SH3BP5: variants seen among roughly 807,000 people sequenced by gnomAD.
The protein encoded by SH3BP5 is SH3 domain-binding protein 5.
SH3BP5 carries 22 observed loss-of-function variants against 43.3 expected under a neutral mutation model. The ratio of observed to expected loss-of-function variants is 0.51; its 90% confidence interval spans 0.36 to 0.73. SH3BP5 has a LOEUF of 0.73. Among genes scored for constraint, SH3BP5 ranks in the 30% least tolerant of loss-of-function variants. The pLI is 0.00. For synonymous variants in SH3BP5, 255 were observed against 225.8 expected (o/e 1.13, Z -1.16); for missense variants, 529 against 586.9 (o/e 0.90, Z 1.02).
intron 3 of SH3BP5, among the ~76,000 whole-genome samples, chr3:15,272,647 T>G (rs1231420303): frequency 1.1e-5 from 1 of 93,060 alleles, no homozygotes; most frequent in African/African-American, 1.0e-4. Flanking sequence ...CAAAACAGAG[T>G]GCCTGTAGGA....
intron 3 of SH3BP5, among the ~76,000 whole-genome samples, chr3:15,303,626 C>T (rs1026551981): frequency 2.6e-5 from 4 of 151,218 alleles, no homozygotes; most frequent in South Asian, 4.2e-4. Context: ...TTCAGCAGGA[C>T]GATGGCCACG....
chr3:15,286,795 C>T (rs2729688), intron 3 of SH3BP5, among the ~76,000 whole-genome samples: 80,216 of 152,122 alleles, frequency 0.53, 23,862 homozygotes, highest in Non-Finnish European at 0.67. Flanking sequence ...ATCCACCCGC[C>T]TCAGCTTCCC....
intron 4 of SH3BP5, among the ~76,000 whole-genome samples, chr3:15,266,434 C>T (rs928387684): frequency 6.6e-6 from 1 of 152,254 alleles, no homozygotes; most frequent in Non-Finnish European, 1.5e-5. Context: ...TTCCAAGTCA[C>T]ATTTCCCTCT....
In SH3BP5 at chr3:15,269,609, T is replaced by C. The variant is rs540953088; in HGVS notation, c.495+104A>G. Reference sequence around the variant, plus strand: ...TGACAACCTGTGATTTTCAGGGTGTTTTCAGGCAACATGCCTGGGAGTCGA... The same window carrying C: ...TGACAACCTGTGATTTTCAGGGTGTCTTCAGGCAACATGCCTGGGAGTCGA... On this transcript the variant is annotated intron_variant, in intron 4 of 8. Coordinates refer to ENST00000383791, the MANE Select transcript of SH3BP5 (RefSeq NM_004844.5). The C allele has an allele frequency of 3.9e-5, 50 of 1,289,310 alleles. No individual in the cohort carries two copies. The African/African-American group carries it at 6.9e-4, about 18-fold the overall frequency. The allele number at this position is 1,289,310 out of a possible 1,614,324, so 79.9% of individuals were successfully genotyped here.
At chr3:15,278,786 T>C (rs1379201447) in intron 3 of SH3BP5, among the ~76,000 whole-genome samples, 1 of 152,238 alleles carries the variant, frequency 6.6e-6, no homozygotes, top group African/African-American at 2.4e-5. Context: ...AATGAACAGT[T>C]TCATCCATAT....
At chr3:15,258,601 G>A in intron 7 of SH3BP5, 2 of 562,486 alleles carry the variant, frequency 3.6e-6, no homozygotes, top group Non-Finnish European at 6.3e-6. Flanking sequence ...GAGGAGTGAA[G>A]GTGTAACATT....
chr3:15,332,735 G>T, upstream of SH3BP5: 1 of 916,122 alleles, frequency 1.1e-6, no homozygotes, highest in Non-Finnish European at 1.3e-6. Context: ...TCTCCAAGGT[G>T]GCAAAATAGG....
intron 4 of SH3BP5, among the ~76,000 whole-genome samples, chr3:15,265,757 G>C (rs766516275): frequency 8.6e-5 from 13 of 152,018 alleles, no homozygotes; most frequent in Admixed American, 3.9e-4. Flanking sequence ...GAGCGGCTCA[G>C]GGGTAGGTGT....
Position 15,259,365 on chromosome 3 carries a change from T to G in SH3BP5, c.670-315A>C, listed in dbSNP as rs190439949. On this transcript the variant is annotated intron_variant, in intron 6 of 8. Coordinates refer to ENST00000383791, the MANE Select transcript of SH3BP5 (RefSeq NM_004844.5). ...CACAGTCTAGACATCTGGTTCCCAG[T>G]ACAGTGGTTCTCAAAGTTGAGCTTG... The G allele has an allele frequency of 1.5e-5, 8 of 522,448 alleles. No individual in the cohort carries two copies. The Admixed American group carries it at 2.6e-4, about 17-fold the overall frequency. 32.4% of individuals were successfully genotyped at this position (522,448 alleles called of 1,614,324 possible).
At chr3:15,313,400 G>C (rs2688665) in intron 2 of SH3BP5, among the ~76,000 whole-genome samples, 120,295 of 152,214 alleles carry the variant, frequency 0.79, 47,673 homozygotes, top group Middle Eastern at 0.86. Context: ...AGAATGATAG[G>C]AAAGTCTCCA....
chr3:15,282,761 T>A (rs964973127), intron 3 of SH3BP5, among the ~76,000 whole-genome samples: 3 of 151,732 alleles, frequency 2.0e-5, no homozygotes, highest in African/African-American at 7.3e-5. Context: ...TCTAAATACT[T>A]AGGTGTGCAG....
intron 3 of SH3BP5, among the ~76,000 whole-genome samples, chr3:15,280,779 A>T (rs1697104768): frequency 1.3e-5 from 2 of 152,056 alleles, no homozygotes; most frequent in South Asian, 2.1e-4. Flanking sequence ...CTGCACGTCC[A>T]CTCACAATTC....
intron 3 of SH3BP5, among the ~76,000 whole-genome samples, chr3:15,294,077 C>CAAAA (rs111324706): frequency 7.1e-5 from 5 of 70,892 alleles, no homozygotes; most frequent in South Asian, 4.4e-4. Context: ...GTCTCCATCT[C>CAAAA]AAAAAAAAAA....
intron 2 of SH3BP5, among the ~76,000 whole-genome samples, chr3:15,329,945 G>A (rs7651966): frequency 0.019 from 2,952 of 152,298 alleles, 99 homozygotes; most frequent in African/African-American, 0.065. Flanking sequence ...ATTTTTCCCA[G>A]CAGGAAAGGC....
chr3:15,257,382 A>G, intron 7 of SH3BP5: 3 of 398,440 alleles, frequency 7.5e-6, no homozygotes, highest in Non-Finnish European at 1.4e-5. Flanking sequence ...GTCACCAGAC[A>G]CCACCTAAAA....
At chr3:15,313,629 G>T (rs1698114039) in intron 2 of SH3BP5, among the ~76,000 whole-genome samples, 1 of 152,170 alleles carries the variant, frequency 6.6e-6, no homozygotes, top group African/African-American at 2.4e-5. Context: ...AACACACAAA[G>T]AAACCACTTT....
At chr3:15,309,856 T>C (rs779774837) in intron 2 of SH3BP5, among the ~76,000 whole-genome samples, 21 of 152,162 alleles carry the variant, frequency 1.4e-4, no homozygotes, top group Non-Finnish European at 2.8e-4. Flanking sequence ...AACAAGCCTA[T>C]TCATCAAAGA....
chr3:15,258,850 A>G lies in SH3BP5; in HGVS notation c.870T>C (p.Pro290=). 1 of 1,614,070 alleles carries G rather than the reference A, an allele frequency of 6.2e-7. No individual in the cohort carries two copies. The highest frequency in any genetic ancestry group is 8.5e-7 in the Non-Finnish European group (1 of 1,179,988). The part of the protein sequence containing the change: ...TSVEDLPGSK[P]EPDAISVASE... ...ACTTACCAGAAATGGCATCAGGCTC[A>G]GGTTTGCTCCCTGGCAGATCCTCCA... The change falls in exon 7 of 9, where the codon CCT becomes CCC. Residue 290 remains proline (P), a synonymous_variant. Transcript: ENST00000383791.
chr3:15,303,539 CA>C (rs1333848969), intron 3 of SH3BP5, among the ~76,000 whole-genome samples: 2 of 152,192 alleles, frequency 1.3e-5, no homozygotes, highest in Admixed American at 6.5e-5. Context: ...CGCCTGATCA[CA>C]GTCCCCTCCG....
Sources: allele counts gnomAD v4.1 joint callset (sites outside exome capture counted in the v4.1 genomes callset), GRCh38; gene constraint gnomAD v4.1.1; transcripts MANE v1.5; gene names NCBI Gene and HGNC (gene_info 2026-07-23, HGNC 2026-07-21).